DNAH6: variants seen among roughly 807,000 people sequenced by gnomAD.
DNAH6 encodes dynein axonemal heavy chain 6.
DNAH6 carries 340 observed loss-of-function variants against 491.4 expected under a neutral mutation model. The ratio of observed to expected loss-of-function variants is 0.69; its 90% CI spans 0.63 to 0.76. The LOEUF (loss-of-function observed/expected upper bound fraction) is 0.76. Ranked by LOEUF, DNAH6 falls within the 30% of genes least tolerant of loss-of-function variation. The pLI is 0.00. For missense variants in DNAH6, 4,443 were observed against 4,972.2 expected (o/e 0.89, Z 3.20); for synonymous variants, 1,603 against 1,686.1 (o/e 0.95, Z 1.21).
At chr2:84,640,153 G>T (rs931907713) in intron 31 of DNAH6, among the ~76,000 whole-genome samples, 1 of 152,140 alleles carries the variant, frequency 6.6e-6, no homozygotes, top group African/African-American at 2.4e-5. Context: ...CAAAAGCTGG[G>T]CTCTTCTGTT....
At chr2:84,714,302 C>A (rs1231025747) in intron 57 of DNAH6, among the ~76,000 whole-genome samples, 1 of 152,222 alleles carries the variant, frequency 6.6e-6, no homozygotes, top group Non-Finnish European at 1.5e-5. Flanking sequence ...TGACACACTT[C>A]TTGAATAAGA....
At chr2:84,553,628 ATTTTT>A (rs748931607) in intron 10 of DNAH6, among the ~76,000 whole-genome samples, 1 of 90,996 alleles carries the variant, frequency 1.1e-5, no homozygotes, top group Admixed American at 1.7e-4. Flanking sequence ...AGGACTGGCT[ATTTTT>A]TTTTTTTTTT....
the DNAH6 span, among the ~76,000 whole-genome samples, chr2:84,464,223 C>T: frequency 6.6e-6 from 1 of 152,220 alleles, no homozygotes; most frequent in African/African-American, 2.4e-5. Context: ...TGTCAGCTCT[C>T]TCTGGGCTCT....
rs757909903 is a variant in DNAH6 at position 84,727,720 on chromosome 2, C to T, written c.10024C>T (p.Arg3342Cys). ...TSVKTENLQQ[R>C]LDVLLEQTLL... ...TGTAAAGACAGAAAATCTACAACAG[C>T]GCCTGGACGTACTACTAGAACAAAC... The change falls in exon 61 of 77, where the codon CGC becomes TGC. Residue 3342 changes from arginine (R) to cysteine (C), a missense_variant. Arg to Cys is a radical substitution (Grantham distance 180, BLOSUM62 -3). Transcript: ENST00000389394. The T allele has an allele frequency of 2.0e-4, 303 of 1,551,336 alleles. 1 individual carries two copies. The highest frequency in any genetic ancestry group is 3.0e-4 in the South Asian group (25 of 84,052).
At chr2:84,676,516 A>G (rs1390435378) in intron 40 of DNAH6, among the ~76,000 whole-genome samples, 1 of 152,238 alleles carries the variant, frequency 6.6e-6, no homozygotes, top group Non-Finnish European at 1.5e-5. Context: ...AAAATAAGGC[A>G]TTTTAAACAG....
intron 11 of DNAH6, among the ~76,000 whole-genome samples, chr2:84,571,214 A>G (rs1035389510): frequency 1.3e-5 from 2 of 152,218 alleles, no homozygotes; most frequent in African/African-American, 2.4e-5. Context: ...AGAAAACACA[A>G]TTAGAAAATT....
intron 4 of DNAH6, among the ~76,000 whole-genome samples, chr2:84,539,959 G>T (rs1678080721): frequency 6.6e-6 from 1 of 152,144 alleles, no homozygotes; most frequent in Non-Finnish European, 1.5e-5. Flanking sequence ...GTTGATAAAT[G>T]CAGAACTCAG....
rs183776750 is a variant in DNAH6 at position 84,544,152 on chromosome 2, T to C, written c.663-81T>C. ...TTGCTTTCCAGAAATGTTTTATCTC[T>C]GTAGAATAAAAAAGCAATGCAATTG... On this transcript the variant is annotated intron_variant, in intron 4 of 76. Transcript: ENST00000389394. 1.1e-4 allele frequency: 84 copies of C among 733,300 alleles called. 1 individual carries two copies. In the Middle Eastern group the frequency reaches 2.0e-3, roughly 18 times the overall value. 45.4% of individuals were successfully genotyped at this position (733,300 alleles called of 1,614,324 possible).
At chr2:84,784,469 T>C (rs1676988329) in intron 65 of DNAH6, among the ~76,000 whole-genome samples, 1 of 152,240 alleles carries the variant, frequency 6.6e-6, no homozygotes, top group Non-Finnish European at 1.5e-5. Flanking sequence ...TTAAAAATTA[T>C]CGTGTTCCTA....
rs1437393998 is a variant in DNAH6 at position 84,812,466 on chromosome 2, A to G, written c.11865A>G (p.Pro3955=). Residue 3955 remains proline (P), a synonymous_variant, in exon 73 of 77, where the codon CCA becomes CCG. Transcript: ENST00000389394. Reference sequence around the variant, plus strand: ...CTCTGTGGTCCAACACAGCCTACCCATCCCTGAAGCCACTAGGATCATGGG... The same window carrying G: ...CTCTGTGGTCCAACACAGCCTACCCGTCCCTGAAGCCACTAGGATCATGGG... ...VPALWSNTAY[P]SLKPLGSWVK... The G allele has an allele frequency of 1.3e-6, 2 of 1,551,706 alleles. No homozygotes were observed. The highest frequency in any genetic ancestry group is 8.7e-7 in the Non-Finnish European group (1 of 1,146,996).
chr2:84,810,796 C>T (rs1435317300), intron 72 of DNAH6, among the ~76,000 whole-genome samples: 1 of 152,170 alleles, frequency 6.6e-6, no homozygotes, highest in Non-Finnish European at 1.5e-5. Flanking sequence ...GTGTAGGCTT[C>T]GAGCCATAGG....
At chr2:84,508,529 C>T in the DNAH6 span, among the ~76,000 whole-genome samples, 5 of 152,146 alleles carry the variant, frequency 3.3e-5, no homozygotes, top group Admixed American at 1.3e-4. Context: ...CTCCAGGATT[C>T]ATTGATTTTT....
chr2:84,744,992 T>A, intron 62 of DNAH6, 88 bp from the exon 63 acceptor site: 1 of 893,266 alleles, frequency 1.1e-6, no homozygotes, highest in Non-Finnish European at 1.6e-6. Context: ...ATAGTAAATA[T>A]AGAGATATTT....
At chr2:84,807,853 A>G (rs1679568985) in intron 71 of DNAH6, among the ~76,000 whole-genome samples, 1 of 152,112 alleles carries the variant, frequency 6.6e-6, no homozygotes, top group Admixed American at 6.5e-5. Context: ...ACCTTCCATT[A>G]CATCCTCTTC....
chr2:84,525,416 G>A, intron 2 of DNAH6, 149 bp from the exon 3 acceptor site: 5 of 689,946 alleles, frequency 7.2e-6, no homozygotes, highest in Non-Finnish European at 1.2e-5. Flanking sequence ...AGGCAATGGT[G>A]GTAGTTAACT....
chr2:84,552,257 C>T (rs1330633705), intron 9 of DNAH6, among the ~76,000 whole-genome samples: 2 of 152,126 alleles, frequency 1.3e-5, no homozygotes, highest in African/African-American at 4.8e-5. Flanking sequence ...GGTCTGCCGC[C>T]TACTAGCTAG....
intron 58 of DNAH6, among the ~76,000 whole-genome samples, chr2:84,717,160 G>A (rs1454563362): frequency 6.6e-6 from 1 of 151,968 alleles, no homozygotes; most frequent in East Asian, 1.9e-4. Context: ...TCTATTTCCA[G>A]AAACTGTAAC....
chr2:84,708,020 G>A (rs1573555794), intron 54 of DNAH6, among the ~76,000 whole-genome samples: 1 of 152,248 alleles, frequency 6.6e-6, no homozygotes, highest in African/African-American at 2.4e-5. Flanking sequence ...GATCACAAGT[G>A]GCATGTAAAG....
intron 38 of DNAH6, among the ~76,000 whole-genome samples, chr2:84,669,842 A>G (rs894341139): frequency 2.0e-5 from 3 of 152,210 alleles, no homozygotes; most frequent in Middle Eastern, 3.2e-3. Flanking sequence ...CATGCCCAAA[A>G]GACAGTTGAT....
Sources: allele counts gnomAD v4.1 joint callset (sites outside exome capture counted in the v4.1 genomes callset), GRCh38; gene constraint gnomAD v4.1.1; transcripts MANE v1.5; gene names NCBI Gene and HGNC (gene_info 2026-07-23, HGNC 2026-07-21).